COX15: variants seen among roughly 807,000 people sequenced by gnomAD.
COX15 encodes heme A synthase COX15.
COX15 carries 51 observed loss-of-function variants against 51.9 expected under a neutral mutation model. The ratio of observed to expected loss-of-function variants is 0.98; its 90% CI spans 0.78 to 1.24. COX15 has a LOEUF of 1.24. COX15 is among the 50% of genes most tolerant of loss of function. The pLI is 0.00. For missense variants in COX15, 420 were observed against 501.1 expected, an observed-to-expected ratio of 0.84 and a Z score of 1.55; for synonymous variants, 188 against 190.5, an observed-to-expected ratio of 0.99 and a Z score of 0.11.
chr10:99,704,596 C>G, the COX15 span: 1 of 1,614,180 alleles, frequency 6.2e-7, no homozygotes, highest in South Asian at 1.1e-5. Flanking sequence ...GCCGAATTCA[C>G]CACCGACAAA....
chr10:99,710,340 T>G, downstream of COX15: 1 of 985,436 alleles, frequency 1.0e-6, no homozygotes, highest in Non-Finnish European at 1.2e-6. Context: ...CATTCCACAA[T>G]TACCCTTTAG....
chr10:99,724,784 G>T (rs914935386), intron 4 of COX15, among the ~76,000 whole-genome samples: 1 of 151,422 alleles, frequency 6.6e-6, no homozygotes, highest in African/African-American at 2.4e-5. Context: ...TAGATTGAAT[G>T]TTTTGGAGAA....
chr10:99,696,011 A>T, the COX15 span: 1 of 1,614,202 alleles, frequency 6.2e-7, no homozygotes, highest in Non-Finnish European at 8.5e-7. Context: ...GATGTGCAAC[A>T]CACTGAACAC....
chr10:99,708,878 G>C, downstream of COX15: 1 of 985,330 alleles, frequency 1.0e-6, no homozygotes, highest in Non-Finnish European at 1.2e-6. Context: ...CTTTCTGCAA[G>C]TATAAACAGA....
In COX15 at chr10:99,711,748, C is replaced by A. The variant is rs1025606598; in HGVS notation, c.*2839G>T. On this transcript the variant is annotated 3_prime_UTR_variant, in exon 9 of 9. Transcript: ENST00000016171. ...TCTCTTCTAGGCAATAGCATAAGCC[C>A]AGCCAGGGTCCAGCATTTATGAAAA... The A allele has an allele frequency of 5.0e-5, 49 of 985,288 alleles. No homozygotes were observed. Among genetic ancestry groups the A allele is most frequent in the Non-Finnish European group, 8.4e-6 (7 of 829,948 alleles). 61.0% of individuals were successfully genotyped at this position (985,288 alleles called of 1,614,324 possible). A position where few individuals can be genotyped will look rare whatever the true frequency, so the allele number is the denominator to read the frequency against.
chr10:99,711,896 T>C lies in COX15; in HGVS notation c.*2691A>G. The C allele has an allele frequency of 6.8e-6, 6 of 883,848 alleles. No individual in the cohort carries two copies. The highest frequency in any genetic ancestry group is 8.1e-6 in the Non-Finnish European group (6 of 737,220). The allele number at this position is 883,848 out of a possible 1,614,324, so 54.8% of individuals were successfully genotyped here. ...GCTCACTGTTCTGCATAGAACTGTATAGGAAGCATGGCGCTGGCATCTGCT... is the reference window on the plus strand; with the variant it reads ...GCTCACTGTTCTGCATAGAACTGTACAGGAAGCATGGCGCTGGCATCTGCT... On this transcript the variant is annotated 3_prime_UTR_variant, in exon 9 of 9. Coordinates refer to ENST00000016171, the MANE Select transcript of COX15 (RefSeq NM_078470.6).
the COX15 span, chr10:99,704,316 C>T: frequency 1.1e-5 from 9 of 847,144 alleles, no homozygotes; most frequent in Admixed American, 2.3e-5. Flanking sequence ...TTTGCCTGCT[C>T]TGTGGAGCTG....
intron 6 of COX15, among the ~76,000 whole-genome samples, chr10:99,720,106 AG>A (rs370994776): frequency 6.6e-6 from 1 of 152,264 alleles, no homozygotes; most frequent in African/African-American, 2.4e-5. Flanking sequence ...TCTACTGGAT[AG>A]TGCAGTTCTA....
At chr10:99,708,218 G>A (rs2036289780), downstream of COX15, among the ~76,000 whole-genome samples, 1 of 150,782 alleles carries the variant, frequency 6.6e-6, no homozygotes, top group South Asian at 2.1e-4. Flanking sequence ...TCCAGTGATT[G>A]CTGAAAAATG....
chr10:99,709,889 A>C (rs1288660597), downstream of COX15: 10 of 985,356 alleles, frequency 1.0e-5, no homozygotes, highest in Non-Finnish European at 1.2e-5. Flanking sequence ...TGTTTCTCTG[A>C]AAATCTGAGC....
intron 7 of COX15, among the ~76,000 whole-genome samples, chr10:99,718,034 T>C (rs1042585232): frequency 6.6e-6 from 1 of 152,096 alleles, no homozygotes; most frequent in Non-Finnish European, 1.5e-5. Context: ...TCTGCTGAAA[T>C]GACTTTCTAG....
At chr10:99,704,859 G>C in the COX15 span, 4 of 635,040 alleles carry the variant, frequency 6.3e-6, no homozygotes, top group East Asian at 1.1e-4. Context: ...TTCTCTGAGA[G>C]AAGCTATAAT....
chr10:99,718,627 A>T, intron 6 of COX15, 127 bp from the exon 7 acceptor site: 1 of 958,038 alleles, frequency 1.0e-6, no homozygotes, highest in Admixed American at 1.9e-5. Flanking sequence ...TAATAGACAT[A>T]TCTGCAACAG....
the COX15 span, among the ~76,000 whole-genome samples, chr10:99,701,866 G>A: frequency 2.0e-5 from 3 of 151,832 alleles, no homozygotes; most frequent in East Asian, 5.9e-4. Context: ...TGGCTAACAT[G>A]GCGAAACCCT....
chr10:99,729,647 G>A lies in COX15; in HGVS notation c.178C>T (p.Leu60Phe), dbSNP rs752274391. The A allele has an allele frequency of 6.2e-7, 1 of 1,614,042 alleles. No homozygotes were observed. Among genetic ancestry groups the A allele is most frequent in the East Asian group, 2.2e-5 (1 of 44,872 alleles). The change falls in exon 2 of 9, where the codon CTT (leucine) becomes TTT (phenylalanine). Residue 60 changes from leucine to phenylalanine, a missense_variant. Coordinates refer to ENST00000016171, the MANE Select transcript of COX15 (RefSeq NM_078470.6). ...ACCCGCTCAGCAGCCTTTGAGGGAA[G>A]GGACACTGTACCCCTTCCAGATTGC... ...ALQSGRGTVS[L>F]PSKAAERVVG...
intron 1 of COX15, 120 bp downstream of exon 1, chr10:99,731,840 G>T: frequency 7.9e-7 from 1 of 1,264,956 alleles, no homozygotes; most frequent in Non-Finnish European, 1.1e-6. Flanking sequence ...CTGAACCTAT[G>T]CGTTGTGAGT....
intron 1 of COX15, 80 bp from the exon 2 acceptor site, chr10:99,729,814 G>T (rs375983740): frequency 8.0e-6 from 11 of 1,379,916 alleles, no homozygotes; most frequent in Non-Finnish European, 1.1e-5. Context: ...TCTGATTAGC[G>T]CGAAGTACCA....
At chr10:99,708,687 G>A (rs563201284), downstream of COX15, 1 of 380,562 alleles carries the variant, frequency 2.6e-6, no homozygotes, top group Admixed American at 6.4e-5. Flanking sequence ...GGTGGGAACA[G>A]AGTTTCTAAT....
At chr10:99,716,079 C>A (rs1291835925) in intron 8 of COX15, among the ~76,000 whole-genome samples, 1 of 151,346 alleles carries the variant, frequency 6.6e-6, no homozygotes, top group East Asian at 1.9e-4. Context: ...GCAGCCTCAA[C>A]CTCCCTGGCT....
Sources: allele counts gnomAD v4.1 joint callset (sites outside exome capture counted in the v4.1 genomes callset), GRCh38; gene constraint gnomAD v4.1.1; transcripts MANE v1.5; gene names NCBI Gene and HGNC (gene_info 2026-07-23, HGNC 2026-07-21).